The following GNG7 variants were observed in gnomAD, a reference collection of about 807,000 sequenced individuals.
GNG7 encodes the protein G protein subunit gamma 7.
A neutral mutation model predicts 4.0 loss-of-function variants in GNG7; 1 was observed. The ratio of observed to expected loss-of-function variants is 0.25; its 90% confidence interval spans 0.09 to 1.18. The LOEUF (loss-of-function observed/expected upper bound fraction) is 1.18. Among genes scored for constraint, GNG7 ranks in the 50% most tolerant of loss-of-function variants. The pLI, the probability that GNG7 is intolerant of heterozygous loss-of-function variation, is 0.50. For missense variants in GNG7, 86 were observed against 91.9 expected, an observed-to-expected ratio of 0.94 and a Z score of 0.26; for synonymous variants, 34 against 36.9, an observed-to-expected ratio of 0.92 and a Z score of 0.29.
chr19:2,692,357 C>T (rs909211743), intron 1 of GNG7, among the ~76,000 whole-genome samples: 12 of 151,690 alleles, frequency 7.9e-5, no homozygotes, highest in Middle Eastern at 3.4e-3. Flanking sequence ...CAGGGGAGGC[C>T]GGGCGCGGTG....
intron 2 of GNG7, among the ~76,000 whole-genome samples, chr19:2,568,600 GACATACACACATATATAC>G (rs1416494629): frequency 4.1e-5 from 6 of 147,504 alleles, no homozygotes; most frequent in Non-Finnish European, 7.4e-5. Flanking sequence ...CACATATATA[GACATACACACATATATAC>G]ACATACACAC....
At position 2,653,040 on chromosome 19, in the gene GNG7, G is replaced by T. The variant is rs1416171985; in HGVS notation, c.-134-6760C>A. Among the ~76,000 whole-genome samples the T allele has an allele frequency of 6.6e-6, 1 of 151,612 alleles. No homozygotes were observed. The highest frequency in any genetic ancestry group is 2.4e-5 in the African/African-American group (1 of 41,192). ...CAGAAGGCAGAGGCTGCAGTGAACCGAGATCACACCACTGCACTCCAGCCC... is the reference window on the plus strand; with the variant it reads ...CAGAAGGCAGAGGCTGCAGTGAACCTAGATCACACCACTGCACTCCAGCCC... On this transcript the variant is annotated intron_variant, in intron 1 of 4. Coordinates refer to ENST00000382159, the MANE Select transcript of GNG7 (RefSeq NM_052847.3). This position sits in a 1 kb window ranked among gnomAD's most constrained non-coding sequence, Gnocchi z 4.8.
chr19:2,647,789 G>A (rs1982704541), intron 1 of GNG7, among the ~76,000 whole-genome samples: 1 of 151,938 alleles, frequency 6.6e-6, no homozygotes, highest in Non-Finnish European at 1.5e-5. Flanking sequence ...TCACTTTGGG[G>A]GGCCGAGGTG....
chr19:2,660,182 G>A (rs1411466069), intron 1 of GNG7, among the ~76,000 whole-genome samples: 1 of 152,176 alleles, frequency 6.6e-6, no homozygotes, highest in Non-Finnish European at 1.5e-5. Flanking sequence ...TTTGGTGAAC[G>A]AAAGCATATT....
At chr19:2,596,404 C>G (rs977418878) in intron 2 of GNG7, among the ~76,000 whole-genome samples, 1 of 151,898 alleles carries the variant, frequency 6.6e-6, no homozygotes, top group East Asian at 1.9e-4. Context: ...GCGGGGCTCA[C>G]ACCTGCAATC....
Position 2,633,493 on chromosome 19 carries a change from A to ACACACGCGCGCG in GNG7, c.-78+12730_-78+12731insCGCGCGCGTGTG, listed in dbSNP as rs1312927356. On this transcript the variant is annotated intron_variant, in intron 2 of 4. Coordinates refer to ENST00000382159, the MANE Select transcript of GNG7 (RefSeq NM_052847.3). The surrounding 1 kb of genome is among the most constrained non-coding windows in gnomAD (Gnocchi z 5.9). ...CAGGCGCGCGCGCGCGCGCGCACAC[A>ACACACGCGCGCG]CACACACACACACACACACACACAC... Among the ~76,000 whole-genome samples the ACACACGCGCGCG allele has an allele frequency of 8.7e-6, 1 of 115,124 alleles. No individual in the cohort carries two copies. The highest frequency in any genetic ancestry group is 3.2e-5 in the African/African-American group (1 of 31,482). 75.5% of individuals were successfully genotyped at this position (115,124 alleles called of 152,430 possible). A position where few individuals can be genotyped will look rare whatever the true frequency, so the allele number is the denominator to read the frequency against.
At chr19:2,518,490 T>G (rs1330081264) in intron 4 of GNG7, among the ~76,000 whole-genome samples, 1 of 152,136 alleles carries the variant, frequency 6.6e-6, no homozygotes, top group Admixed American at 6.6e-5. Flanking sequence ...CCCCTACTGG[T>G]TGGATCCCGG....
At chr19:2,578,426 G>A (rs1032535981) in intron 2 of GNG7, among the ~76,000 whole-genome samples, 1 of 152,134 alleles carries the variant, frequency 6.6e-6, no homozygotes, top group African/African-American at 2.4e-5. Flanking sequence ...TGCTTGCTCC[G>A]ATCCTTTGTG....
chr19:2,578,031 G>A (rs1332266064), intron 2 of GNG7, among the ~76,000 whole-genome samples: 1 of 151,578 alleles, frequency 6.6e-6, no homozygotes, highest in African/African-American at 2.4e-5. Context: ...TAGAGACGGA[G>A]GTCTCGTTGT....
At chr19:2,587,449 G>A (rs1005421619) in intron 2 of GNG7, among the ~76,000 whole-genome samples, 2 of 152,156 alleles carry the variant, frequency 1.3e-5, no homozygotes, top group African/African-American at 4.8e-5. Context: ...GCAACTGCAA[G>A]GGGCTGGGAA....
chr19:2,659,145 A>AT (rs1455545941), intron 1 of GNG7, among the ~76,000 whole-genome samples: 1 of 151,676 alleles, frequency 6.6e-6, no homozygotes, highest in African/African-American at 2.4e-5. Context: ...AATTTTTTGT[A>AT]TTTTTAGTAG....
At chr19:2,678,867 C>T (rs559399463) in intron 1 of GNG7, among the ~76,000 whole-genome samples, 5 of 152,210 alleles carry the variant, frequency 3.3e-5, no homozygotes, top group East Asian at 1.9e-4. Flanking sequence ...CAGCCTTCGA[C>T]GATCGGAAAC....
In GNG7 at chr19:2,572,733, G is replaced by A. The variant is rs868708313; in HGVS notation, c.-77-17545C>T. Among the ~76,000 whole-genome samples the A allele has an allele frequency of 5.9e-5, 9 of 151,538 alleles. No homozygotes were observed. The East Asian group carries it at 7.8e-4, about 13-fold the overall frequency. ...CTCAGCCTCCCGAGTAGCTGGGGCTGCAGACATGAACCAGCATGCACGGCT... is the reference window on the plus strand; with the variant it reads ...CTCAGCCTCCCGAGTAGCTGGGGCTACAGACATGAACCAGCATGCACGGCT... On this transcript the variant is annotated intron_variant, in intron 2 of 4. Coordinates refer to ENST00000382159, the MANE Select transcript of GNG7 (RefSeq NM_052847.3).
chr19:2,664,002 C>T (rs563060112), intron 1 of GNG7, among the ~76,000 whole-genome samples: 1 of 152,326 alleles, frequency 6.6e-6, no homozygotes, highest in South Asian at 2.1e-4. Flanking sequence ...CCCCAGGGGG[C>T]AGGCTTGCCC....
Position 2,659,744 on chromosome 19 carries a change from G to A in GNG7, c.-134-13464C>T, listed in dbSNP as rs59519185. 4.1e-3 allele frequency among the ~76,000 whole-genome samples: 585 copies of A among 142,234 alleles called. 2 individuals are homozygous for A. The highest frequency in any genetic ancestry group is 0.014 in the African/African-American group (539 of 37,790). 93.3% of individuals were successfully genotyped at this position (142,234 alleles called of 152,430 possible). A position where few individuals can be genotyped will look rare whatever the true frequency, so the allele number is the denominator to read the frequency against. On this transcript the variant is annotated intron_variant, in intron 1 of 4. Transcript: ENST00000382159. ...GGAAGGGGAATGAGTGTGAGCGAGG[G>A]AGGGATGGAGGAAGGAAGGAAGGGA...
In GNG7 at chr19:2,668,726, C is replaced by G. The variant is rs115394505; in HGVS notation, c.-134-22446G>C. 4.6e-3 allele frequency among the ~76,000 whole-genome samples: 706 copies of G among 152,234 alleles called. 11 individuals are homozygous for G. Among genetic ancestry groups the G allele is most frequent in the African/African-American group, 0.016 (677 of 41,528 alleles). On this transcript the variant is annotated intron_variant, in intron 1 of 4. Coordinates refer to ENST00000382159, the MANE Select transcript of GNG7 (RefSeq NM_052847.3). The stretch of plus-strand genomic sequence containing the variant: ...TGATGCTGTGGTCTGAAGGAAGAAG[C>G]AAGACAACTGATAATATGCCGTGAC...
intron 2 of GNG7, among the ~76,000 whole-genome samples, chr19:2,568,405 CAT>C (rs367892463): frequency 1.1e-4 from 14 of 127,848 alleles, no homozygotes; most frequent in African/African-American, 2.8e-4. Flanking sequence ...AACACACACA[CAT>C]ATACACATAG....
rs372737565 is a variant in GNG7, at chr19:2,514,982, G to C, written c.*40C>G. Reference sequence around the variant, plus strand: ...AGAGACAGAGACAGAGAGAGAGAGAGAGAAAGAGAGAGAGAGAGAGAGAAC... The same window carrying C: ...AGAGACAGAGACAGAGAGAGAGAGACAGAAAGAGAGAGAGAGAGAGAGAAC... On this transcript the variant is annotated 3_prime_UTR_variant, in exon 5 of 5. Coordinates refer to ENST00000382159, the MANE Select transcript of GNG7 (RefSeq NM_052847.3). 1 of 1,476,526 alleles carries C rather than the reference G, an allele frequency of 6.8e-7. No individual in the cohort carries two copies. The highest frequency in any genetic ancestry group is 9.4e-7 in the Non-Finnish European group (1 of 1,062,732). 91.5% of individuals were successfully genotyped at this position (1,476,526 alleles called of 1,614,324 possible).
intron 2 of GNG7, among the ~76,000 whole-genome samples, chr19:2,602,530 G>A (rs1464843712): frequency 1.3e-5 from 2 of 152,194 alleles, no homozygotes; most frequent in Non-Finnish European, 2.9e-5. Flanking sequence ...AGCTCCTCCC[G>A]AGCCTGCAGG....
Sources: allele counts gnomAD v4.1 joint callset (sites outside exome capture counted in the v4.1 genomes callset), GRCh38; gene constraint gnomAD v4.1.1; non-coding constraint Gnocchi (gnomAD v3.1); transcripts MANE v1.5; gene names NCBI Gene and HGNC (gene_info 2026-07-23, HGNC 2026-07-21).